The following ADCY8 variants were observed in gnomAD, a reference collection of about 807,000 sequenced individuals.
ADCY8 encodes adenylate cyclase 8.
In ADCY8, 51 loss-of-function variants were observed where a neutral mutation model predicts 119.7. The observed-to-expected ratio is 0.43, with a 90% CI of 0.34 to 0.54. The LOEUF (loss-of-function observed/expected upper bound fraction) is 0.54. Among genes scored for constraint, ADCY8 ranks in the 20% least tolerant of loss-of-function variants. The probability of loss-of-function intolerance (pLI) is 0.03; values close to 1 mark genes in which losing one functional copy is unlikely to be tolerated. For missense variants in ADCY8, 1,383 were observed against 1,598.8 expected, an observed-to-expected ratio of 0.87 and a Z score of 2.30; for synonymous variants, 665 against 651.0, an observed-to-expected ratio of 1.02 and a Z score of -0.33.
intron 12 of ADCY8, among the ~76,000 whole-genome samples, chr8:130,826,707 TG>T (rs1378848431): frequency 6.6e-6 from 1 of 151,668 alleles, no homozygotes; most frequent in Non-Finnish European, 1.5e-5. Flanking sequence ...CTACACATGC[TG>T]TTAGCCTCCA....
intron 7 of ADCY8, chr8:130,892,061 G>A (rs557327693): frequency 6.6e-6 from 1 of 152,236 alleles, no homozygotes; most frequent in East Asian, 1.9e-4. Flanking sequence ...TGTGGGAGAA[G>A]GTCTGTGGGA....
intron 7 of ADCY8, among the ~76,000 whole-genome samples, chr8:130,890,257 G>A (rs997908906): frequency 1.3e-5 from 2 of 151,848 alleles, no homozygotes; most frequent in African/African-American, 2.4e-5. Context: ...TGTAAATGAC[G>A]AGTTAATGGG....
chr8:130,903,750 G>C, intron 7 of ADCY8, 22 bp downstream of exon 7: 1 of 1,609,712 alleles, frequency 6.2e-7, no homozygotes, highest in Non-Finnish European at 8.5e-7. Flanking sequence ...TGGCCAAGCA[G>C]AAGGAGGAAG....
chr8:131,012,548 A>T (rs1241564023), intron 1 of ADCY8, among the ~76,000 whole-genome samples: 2 of 152,198 alleles, frequency 1.3e-5, no homozygotes, highest in Non-Finnish European at 2.9e-5. Flanking sequence ...ACCGTGGTGG[A>T]TCCTGTGATG....
intron 7 of ADCY8, among the ~76,000 whole-genome samples, chr8:130,899,064 C>T (rs907206192): frequency 2.0e-5 from 3 of 152,202 alleles, no homozygotes; most frequent in African/African-American, 7.2e-5. Context: ...CCACTTGGGA[C>T]TTTTTGCTGT....
At chr8:131,025,474 A>G (rs1394699605) in intron 1 of ADCY8, among the ~76,000 whole-genome samples, 1 of 152,198 alleles carries the variant, frequency 6.6e-6, no homozygotes, top group East Asian at 1.9e-4. Context: ...ATGATTGTTC[A>G]GGCATTTACT....
intron 2 of ADCY8, among the ~76,000 whole-genome samples, chr8:130,978,622 C>A (rs1719480709): frequency 6.6e-6 from 1 of 152,114 alleles, no homozygotes; most frequent in South Asian, 2.1e-4. Flanking sequence ...ACTTGTAATC[C>A]AGCAGAGGAG....
chr8:130,863,847 A>G (rs1157801151), intron 9 of ADCY8, among the ~76,000 whole-genome samples: 1 of 152,176 alleles, frequency 6.6e-6, no homozygotes, highest in Non-Finnish European at 1.5e-5. Flanking sequence ...GTTGCTTTAA[A>G]CAAAAAATAA....
chr8:130,973,494 C>T lies in ADCY8; in HGVS notation c.1110+16899G>A, dbSNP rs184625555. Reference sequence around the variant, plus strand: ...AGAATTAGATGCCCTGGTCCACAGTCTTCCAAAATACTAGGCATGTGAGTG... The same window carrying T: ...AGAATTAGATGCCCTGGTCCACAGTTTTCCAAAATACTAGGCATGTGAGTG... On this transcript the variant is annotated intron_variant, in intron 2 of 17. Coordinates refer to ENST00000286355, the MANE Select transcript of ADCY8 (RefSeq NM_001115.3). Among the ~76,000 whole-genome samples the T allele has an allele frequency of 2.0e-5, 3 of 152,362 alleles. No homozygotes were observed. In the East Asian group the frequency reaches 5.8e-4, roughly 29 times the overall value.
At chr8:131,008,029 ATAATT>A (rs1467721762) in intron 1 of ADCY8, among the ~76,000 whole-genome samples, 3 of 152,036 alleles carry the variant, frequency 2.0e-5, no homozygotes, top group Non-Finnish European at 4.4e-5. Context: ...GGGTGACCAT[ATAATT>A]TATTGTCCAA....
chr8:130,887,500 G>T (rs773705362), intron 7 of ADCY8, among the ~76,000 whole-genome samples: 1 of 152,114 alleles, frequency 6.6e-6, no homozygotes, highest in Admixed American at 6.6e-5. Context: ...AGCATTTTAT[G>T]CAGGTAGTCA....
chr8:130,848,698 C>CT (rs1817414014), intron 10 of ADCY8, among the ~76,000 whole-genome samples: 2 of 152,190 alleles, frequency 1.3e-5, no homozygotes, highest in African/African-American at 4.8e-5. Flanking sequence ...ACTAGCCTCT[C>CT]TCAACAAGCC....
At chr8:130,973,101 T>C (rs1821972215) in intron 2 of ADCY8, among the ~76,000 whole-genome samples, 1 of 152,204 alleles carries the variant, frequency 6.6e-6, no homozygotes, top group Non-Finnish European at 1.5e-5. Context: ...GTCACAACTA[T>C]CTACAGTATC....
chr8:130,816,392 T>G (rs930531211), intron 13 of ADCY8, among the ~76,000 whole-genome samples: 10 of 151,656 alleles, frequency 6.6e-5, no homozygotes, highest in Non-Finnish European at 1.0e-4. Flanking sequence ...TCCACATGCA[T>G]GCACACACAC....
At chr8:130,996,249 T>C (rs1343613750) in intron 1 of ADCY8, among the ~76,000 whole-genome samples, 5 of 152,138 alleles carry the variant, frequency 3.3e-5, no homozygotes, top group Non-Finnish European at 7.4e-5. Context: ...TGTAACTATA[T>C]ATATGCATGA....
chr8:130,812,149 C>G lies in ADCY8; in HGVS notation c.2913+1920G>C, dbSNP rs1445596176. On this transcript the variant is annotated intron_variant, in intron 14 of 17. Transcript: ENST00000286355. Reference sequence around the variant, plus strand: ...TCTTGCCTGGGCCCTTTTAGAGTCTCCTGCCTGGCTTTGTGTTGCATGATC... The same window carrying G: ...TCTTGCCTGGGCCCTTTTAGAGTCTGCTGCCTGGCTTTGTGTTGCATGATC... Among the ~76,000 whole-genome samples, 4 of 152,288 alleles carry G rather than the reference C, an allele frequency of 2.6e-5. No individual in the cohort carries two copies. The East Asian group carries it at 7.7e-4, about 29-fold the overall frequency.
intron 1 of ADCY8, among the ~76,000 whole-genome samples, chr8:131,014,611 T>A (rs887718683): frequency 6.6e-6 from 1 of 152,192 alleles, no homozygotes; most frequent in East Asian, 1.9e-4. Flanking sequence ...AGCCTCACCA[T>A]AGTGCTTGCA....
intron 12 of ADCY8, among the ~76,000 whole-genome samples, chr8:130,829,099 A>G (rs889331209): frequency 6.6e-6 from 1 of 152,194 alleles, no homozygotes; most frequent in African/African-American, 2.4e-5. Flanking sequence ...CCAATTACCT[A>G]GTTCCTCTGG....
chr8:130,980,786 G>A (rs1444495395), intron 2 of ADCY8, among the ~76,000 whole-genome samples: 1 of 152,154 alleles, frequency 6.6e-6, no homozygotes, highest in African/African-American at 2.4e-5. Context: ...TCCAATGGCC[G>A]ATCAAGAGTA....
Sources: allele counts gnomAD v4.1 joint callset (sites outside exome capture counted in the v4.1 genomes callset), GRCh38; gene constraint gnomAD v4.1.1; transcripts MANE v1.5; gene names NCBI Gene and HGNC (gene_info 2026-07-23, HGNC 2026-07-21).